Variants in JAG1 observed in about 807,000 individuals in gnomAD.
JAG1 encodes the protein jagged canonical Notch ligand 1.
Under a neutral mutation model 148.7 loss-of-function variants are expected in JAG1, and 23 were observed. That is an observed-to-expected ratio of 0.15 (90% CI 0.11 to 0.22). JAG1 has a LOEUF of 0.22. Among genes scored for constraint, JAG1 ranks in the 10% least tolerant of loss-of-function variants. JAG1 has a pLI of 1.00. For synonymous variants in JAG1, 572 were observed against 598.3 expected (o/e 0.96, Z 0.64); for missense variants, 1,054 against 1,611.2 (o/e 0.65, Z 5.92).
At chr20:10,650,189 G>A in intron 9 of JAG1, 58 bp downstream of exon 9, 2 of 1,079,960 alleles carry the variant, frequency 1.9e-6, no homozygotes, top group Non-Finnish European at 2.9e-6. Flanking sequence ...TTCTGTAATG[G>A]CTTTGACAAT....
chr20:10,646,836 A>C (rs1293169466), intron 14 of JAG1, 103 bp downstream of exon 14: 54 of 1,261,252 alleles, frequency 4.3e-5, no homozygotes, highest in Non-Finnish European at 5.9e-5. Flanking sequence ...AAAAAAAAAA[A>C]AAAAACTTTC....
rs1555829059 is a variant in JAG1, at chr20:10,652,345, A to G, written c.887-95T>C. On this transcript the variant is annotated intron_variant, in intron 6 of 25. Coordinates refer to ENST00000254958, the MANE Select transcript of JAG1 (RefSeq NM_000214.3). ...CAGTCGTCTTTTAAAAAGAAAAACC[A>G]GAAAACCCACACAGCATTCAAGGAG... The G allele has an allele frequency of 4.7e-5, 75 of 1,600,350 alleles. No individual in the cohort carries two copies. The South Asian group carries it at 7.6e-4, about 16-fold the overall frequency.
chr20:10,646,888 G>A (rs778296192), intron 14 of JAG1, 51 bp downstream of exon 14: 7 of 1,574,938 alleles, frequency 4.4e-6, no homozygotes, highest in Admixed American at 1.7e-5. Context: ...AGAGGCAGGG[G>A]CAGGGGCAGG....
chr20:10,647,168 G>A, intron 13 of JAG1, 65 bp from the exon 14 acceptor site: 3 of 1,596,848 alleles, frequency 1.9e-6, no homozygotes, highest in South Asian at 2.2e-5. Context: ...CCTAAGCCAA[G>A]GGCCTGGGCC....
Position 10,673,920 on chromosome 20 carries a change from C to G in JAG1, c.-390G>C, listed in dbSNP as rs1325294471. ...GGGAGGGGAGAAAAAAAAAAACCAG[C>G]CTAGCTCGCGGGCCGGCCGCAGGTA... On this transcript the variant is annotated 5_prime_UTR_variant, in exon 1 of 26. Coordinates refer to ENST00000254958, the MANE Select transcript of JAG1 (RefSeq NM_000214.3). This position sits in a 1 kb window ranked among gnomAD's most constrained non-coding sequence, Gnocchi z 4.7. 1.3e-5 allele frequency: 2 copies of G among 152,632 alleles called. No individual in the cohort carries two copies. The highest frequency in any genetic ancestry group is 2.9e-5 in the Non-Finnish European group (2 of 68,594). 9.5% of individuals were successfully genotyped at this position (152,632 alleles called of 1,614,324 possible).
intron 2 of JAG1, among the ~76,000 whole-genome samples, chr20:10,672,178 C>A (rs569324936): frequency 1.3e-5 from 2 of 152,286 alleles, no homozygotes; most frequent in South Asian, 4.1e-4. Flanking sequence ...CCCGCACACA[C>A]TAAAATCTCC....
chr20:10,637,805 T>C lies in JAG1; in HGVS notation c.*1693A>G, dbSNP rs1006245301. 1 of 152,644 alleles carries C rather than the reference T, an allele frequency of 6.6e-6. No homozygotes were observed. The highest frequency in any genetic ancestry group is 1.5e-5 in the Non-Finnish European group (1 of 68,050). 9.5% of individuals were successfully genotyped at this position (152,644 alleles called of 1,614,324 possible). On this transcript the variant is annotated 3_prime_UTR_variant, in exon 26 of 26. Transcript: ENST00000254958. Reference sequence around the variant, plus strand: ...CAGCTTCACAGCAGCCCCAGGTCTTTGAGAACTCCAGATGAGTTTTGTGGT... The same window carrying C: ...CAGCTTCACAGCAGCCCCAGGTCTTCGAGAACTCCAGATGAGTTTTGTGGT...
intron 19 of JAG1, among the ~76,000 whole-genome samples, 182 bp from the exon 20 acceptor site, chr20:10,644,045 T>C (rs2067291103): frequency 6.6e-6 from 1 of 152,180 alleles, no homozygotes; most frequent in Admixed American, 6.5e-5. Flanking sequence ...TTCACAGGTC[T>C]TGGTTGCAGC....
At chr20:10,648,488 G>A (rs2067324150) in intron 12 of JAG1, 61 bp downstream of exon 12, 1 of 1,360,616 alleles carries the variant, frequency 7.3e-7, no homozygotes, top group Non-Finnish European at 1.1e-6. Context: ...GTAAAGGGAA[G>A]CGGAGGAGGC....
chr20:10,644,798 G>T, intron 18 of JAG1, 65 bp downstream of exon 18: 1 of 1,140,014 alleles, frequency 8.8e-7, no homozygotes, highest in Non-Finnish European at 1.3e-6. Flanking sequence ...TCCATTGCAA[G>T]TCCCCAAGGG....
chr20:10,640,406 C>T (rs987585100), intron 25 of JAG1, among the ~76,000 whole-genome samples: 2 of 152,208 alleles, frequency 1.3e-5, no homozygotes, highest in Admixed American at 6.5e-5. Flanking sequence ...GACACCCCTG[C>T]GGGGCCATCG....
rs533306015 is a variant in JAG1, at chr20:10,643,818, G to A, written c.2418C>T (p.Cys806=). ...TCVDGDNWYR[C]ECAPGFAGPD... is the part of the protein sequence containing the mutation. ...GCCCAGCAAAACCCGGGGCACATTC[G>A]CACCGGTACCAGTTGTCTCCATCCA... Residue 806 remains cysteine (C), a synonymous_variant, in exon 20 of 26, where the codon TGC becomes TGT. Transcript: ENST00000254958. 7.4e-6 allele frequency: 12 copies of A among 1,614,056 alleles called. No individual in the cohort carries two copies. The highest frequency in any genetic ancestry group is 6.7e-5 in the East Asian group (3 of 44,870).
In JAG1 at chr20:10,645,325, G is replaced by A; in HGVS notation, c.2113+31C>T. 6.2e-7 allele frequency: 1 copy of A among 1,606,018 alleles called. No homozygotes were observed. The highest frequency in any genetic ancestry group is 1.7e-5 in the Admixed American group (1 of 60,018). ...ACAGAAGACAGAGGGAAGGGTCCCA[G>A]AGATAGCATCCAAGGCCAACTACCA... On this transcript the variant is annotated intron_variant, in intron 16 of 25. Transcript: ENST00000254958. The surrounding 1 kb of genome is among the most constrained non-coding windows in gnomAD (Gnocchi z 6.1).
At chr20:10,672,211 T>C (rs994126459) in intron 2 of JAG1, among the ~76,000 whole-genome samples, 5 of 151,438 alleles carry the variant, frequency 3.3e-5, no homozygotes, top group Admixed American at 3.3e-4. Context: ...GGAAACGGAC[T>C]CCCCCACACC....
At chr20:10,653,103 T>TA (rs1360544906) in intron 5 of JAG1, among the ~76,000 whole-genome samples, 5 of 151,512 alleles carry the variant, frequency 3.3e-5, no homozygotes, top group South Asian at 2.1e-4. Context: ...ACGCTTTATT[T>TA]AAAAAAACAA....
chr20:10,642,635 T>C lies in JAG1; in HGVS notation c.2459-34A>G, dbSNP rs1568792764. 6 of 1,208,120 alleles carry C rather than the reference T, an allele frequency of 5.0e-6. No individual in the cohort carries two copies. The East Asian group carries it at 1.2e-4, about 23-fold the overall frequency. The allele number at this position is 1,208,120 out of a possible 1,614,324, so 74.8% of individuals were successfully genotyped here. The stretch of plus-strand genomic sequence containing the variant: ...AATGGAGTTCAAGTTTAGGGACTGA[T>C]GGTGTGTGGCAATGTTTTGAGATTG... On this transcript the variant is annotated intron_variant, in intron 20 of 25. Coordinates refer to ENST00000254958, the MANE Select transcript of JAG1 (RefSeq NM_000214.3).
At position 10,663,088 on chromosome 20, in the gene JAG1, C is replaced by CAA. The variant is rs3833514; in HGVS notation, c.439+873_439+874dup. Among the ~76,000 whole-genome samples the CAA allele has an allele frequency of 6.8e-4, 102 of 150,844 alleles. No individual in the cohort carries two copies. The East Asian group carries it at 0.015, about 22-fold the overall frequency. On this transcript the variant is annotated intron_variant, in intron 3 of 25. Coordinates refer to ENST00000254958, the MANE Select transcript of JAG1 (RefSeq NM_000214.3). ...ATATATTATTCACAGTGAAAGCAAA[C>CAA]AAAAAAAAATGGTAAGATAGAAAAG...
chr20:10,643,883 C>T lies in JAG1; in HGVS notation c.2373-20G>A, dbSNP rs201781026. On this transcript the variant is annotated intron_variant, in intron 19 of 25. Transcript: ENST00000254958. The stretch of plus-strand genomic sequence containing the variant: ...TTGTAACTAAGAAAGCAAAGACCAC[C>T]TTGGTTACCAACCTCCCAGTCCATT... The T allele has an allele frequency of 1.3e-6, 2 of 1,598,852 alleles. No individual in the cohort carries two copies. The highest frequency in any genetic ancestry group is 2.2e-5 in the East Asian group (1 of 44,774).
rs563252707 is a variant in JAG1, at chr20:10,643,041, A to G, written c.2459-440T>C. Among the ~76,000 whole-genome samples the G allele has an allele frequency of 6.6e-5, 10 of 152,364 alleles. No homozygotes were observed. The South Asian group carries it at 2.1e-3, about 32-fold the overall frequency. On this transcript the variant is annotated intron_variant, in intron 20 of 25. Coordinates refer to ENST00000254958, the MANE Select transcript of JAG1 (RefSeq NM_000214.3). ...TGTGCCAAGAAAACTGTATTTATAA[A>G]AACAGACAGTGGGCTGGATACGGCC...
Sources: gnomAD v4.1 joint callset for allele counts (sites outside exome capture counted in the v4.1 genomes callset) on GRCh38, gnomAD v4.1.1 for gene constraint, Gnocchi (gnomAD v3.1) non-coding constraint, MANE v1.5 for transcripts, NCBI Gene and HGNC (gene_info 2026-07-23, HGNC 2026-07-21) for gene names.